HDAC9: variants seen among roughly 807,000 people sequenced by gnomAD.
HDAC9 encodes the protein histone deacetylase 9.
HDAC9 carries 41 observed loss-of-function variants against 139.4 expected under a neutral mutation model. That is an observed-to-expected ratio of 0.29 (90% CI 0.23 to 0.38). HDAC9 has a LOEUF of 0.38. Among genes scored for constraint, HDAC9 ranks in the 10% least tolerant of loss-of-function variants. The probability of loss-of-function intolerance (pLI) is 1.00; values close to 1 mark genes in which losing one functional copy is unlikely to be tolerated. For missense variants in HDAC9, 1,147 were observed against 1,297.0 expected, an observed-to-expected ratio of 0.88 and a Z score of 1.78; for synonymous variants, 517 against 476.2, an observed-to-expected ratio of 1.09 and a Z score of -1.12.
Position 18,936,055 on chromosome 7 carries a change from C to T in HDAC9, c.2937+113C>T, listed in dbSNP as rs1282931080. On this transcript the variant is annotated intron_variant, in intron 23 of 25. Transcript: ENST00000686413. ...CTCAGAAAGCTTAACATTGCTCTTA[C>T]CATTAAGAAAGAAGGTAAGCCTTAG... 3 of 987,256 alleles carry T rather than the reference C, an allele frequency of 3.0e-6. No homozygotes were observed. The African/African-American group carries it at 4.9e-5, about 16-fold the overall frequency. 61.2% of individuals were successfully genotyped at this position (987,256 alleles called of 1,614,324 possible).
chr7:18,944,735 A>G (rs1782255915), intron 23 of HDAC9, among the ~76,000 whole-genome samples: 1 of 152,118 alleles, frequency 6.6e-6, no homozygotes, highest in South Asian at 2.1e-4. Flanking sequence ...CTTTTCTGAA[A>G]GTAACCAATT....
chr7:18,234,627 G>A (rs899136969), intron 2 of HDAC9, among the ~76,000 whole-genome samples: 1 of 152,208 alleles, frequency 6.6e-6, no homozygotes, highest in Non-Finnish European at 1.5e-5. Context: ...AGAGACTGGT[G>A]AGAAACCAAG....
At chr7:18,218,936 G>A (rs1562761097) in intron 2 of HDAC9, among the ~76,000 whole-genome samples, 1 of 152,024 alleles carries the variant, frequency 6.6e-6, no homozygotes, top group Non-Finnish European at 1.5e-5. Flanking sequence ...TTACTCCTGG[G>A]TCAAGGCATG....
chr7:18,643,247 C>T (rs1786307215), intron 8 of HDAC9, among the ~76,000 whole-genome samples: 1 of 152,052 alleles, frequency 6.6e-6, no homozygotes, highest in Non-Finnish European at 1.5e-5. Flanking sequence ...AAAATTGCAA[C>T]CCCACACATT....
chr7:18,747,063 A>G (rs1230036763), intron 13 of HDAC9, among the ~76,000 whole-genome samples: 1 of 152,194 alleles, frequency 6.6e-6, no homozygotes, highest in African/African-American at 2.4e-5. Flanking sequence ...AGGGAATAGC[A>G]TGTATAAATG....
At chr7:18,482,080 A>T (rs1257088699) in intron 1 of HDAC9, among the ~76,000 whole-genome samples, 3 of 152,096 alleles carry the variant, frequency 2.0e-5, no homozygotes, top group Non-Finnish European at 4.4e-5. Context: ...TTGAGGCATG[A>T]TCATTCAGTC....
intron 2 of HDAC9, among the ~76,000 whole-genome samples, chr7:18,255,931 ATTGATGAGTTT>A (rs1299692328): frequency 6.6e-6 from 1 of 152,110 alleles, no homozygotes; most frequent in Non-Finnish European, 1.5e-5. Context: ...CTGGCCCAAC[ATTGATGAGTTT>A]TCACAACTCA....
intron 1 of HDAC9, among the ~76,000 whole-genome samples, chr7:18,484,747 C>G (rs1353645915): frequency 3.3e-5 from 5 of 151,826 alleles, no homozygotes; most frequent in Non-Finnish European, 7.4e-5. Context: ...CTCAGCTACT[C>G]TGAAATCACG....
At chr7:18,738,982 C>G (rs535047787) in intron 13 of HDAC9, among the ~76,000 whole-genome samples, 1 of 152,148 alleles carries the variant, frequency 6.6e-6, no homozygotes, top group African/African-American at 2.4e-5. Flanking sequence ...TTTCTCTAAC[C>G]TTGTCTTCTC....
chr7:18,236,750 G>A (rs1452975624), intron 2 of HDAC9, among the ~76,000 whole-genome samples: 2 of 152,070 alleles, frequency 1.3e-5, no homozygotes, highest in Non-Finnish European at 2.9e-5. Context: ...CGGCTGTGGG[G>A]GTGGGGGCGA....
At chr7:18,550,406 C>T (rs1330506484) in intron 2 of HDAC9, among the ~76,000 whole-genome samples, 1 of 152,094 alleles carries the variant, frequency 6.6e-6, no homozygotes, top group East Asian at 1.9e-4. Context: ...TAGTATGTGG[C>T]AGGTGTTAGT....
intron 2 of HDAC9, among the ~76,000 whole-genome samples, chr7:18,277,926 T>C (rs1054224495): frequency 1.3e-5 from 2 of 152,162 alleles, no homozygotes; most frequent in Non-Finnish European, 2.9e-5. Context: ...AAAAAACTTG[T>C]TATCGTTTAG....
intron 2 of HDAC9, among the ~76,000 whole-genome samples, chr7:18,214,075 T>C (rs1317448030): frequency 4.6e-5 from 7 of 152,140 alleles, no homozygotes; most frequent in Admixed American, 1.3e-4. Context: ...CTAATCACTT[T>C]ATACATTATT....
At chr7:18,533,061 A>G (rs1416803883) in intron 2 of HDAC9, among the ~76,000 whole-genome samples, 1 of 152,194 alleles carries the variant, frequency 6.6e-6, no homozygotes, top group Non-Finnish European at 1.5e-5. Context: ...ATGACTAGTC[A>G]AATGTTTACT....
At chr7:18,163,912 T>C (rs1474029784) in intron 2 of HDAC9, among the ~76,000 whole-genome samples, 3 of 152,206 alleles carry the variant, frequency 2.0e-5, no homozygotes, top group African/African-American at 7.2e-5. Context: ...CCAAGAATGT[T>C]GATTTTATAA....
chr7:18,650,936 C>T (rs1453327637), intron 11 of HDAC9, among the ~76,000 whole-genome samples: 9 of 152,228 alleles, frequency 5.9e-5, no homozygotes, highest in Admixed American at 2.0e-4. Context: ...GGCATATTCA[C>T]GTTGGGTATT....
chr7:18,833,363 C>T (rs1585121691), intron 19 of HDAC9, among the ~76,000 whole-genome samples: 1 of 152,060 alleles, frequency 6.6e-6, no homozygotes, highest in Non-Finnish European at 1.5e-5. Context: ...CCCAGAGAAA[C>T]AAAAGTAATC....
intron 1 of HDAC9, among the ~76,000 whole-genome samples, chr7:18,098,692 A>G (rs188124272): frequency 2.4e-4 from 36 of 152,074 alleles, no homozygotes; most frequent in Non-Finnish European, 3.4e-4. Context: ...CCTTTCCCTC[A>G]TTACCCCAAA....
intron 5 of HDAC9, among the ~76,000 whole-genome samples, chr7:18,592,035 A>G (rs1633789): frequency 0.08 from 12,163 of 152,148 alleles, 684 homozygotes; most frequent in African/African-American, 0.15. Context: ...CTATATAGTA[A>G]TTTCAAAAGG....
Sources: allele counts gnomAD v4.1 joint callset (sites outside exome capture counted in the v4.1 genomes callset), GRCh38; gene constraint gnomAD v4.1.1; transcripts MANE v1.5; gene names NCBI Gene and HGNC (gene_info 2026-07-23, HGNC 2026-07-21).